Variants in LRRC4C observed in about 807,000 individuals in gnomAD.
LRRC4C encodes leucine-rich repeat-containing protein 4C.
A neutral mutation model predicts 33.6 loss-of-function variants in LRRC4C; 5 were observed. The ratio of observed to expected loss-of-function variants is 0.15; its 90% CI spans 0.08 to 0.31. LRRC4C has a LOEUF of 0.31. LRRC4C is among the 10% of genes least tolerant of loss of function. The pLI is 1.00. For synonymous variants in LRRC4C, 329 were observed against 302.0 expected, an observed-to-expected ratio of 1.09 and a Z score of -0.93; for missense variants, 560 against 796.7, an observed-to-expected ratio of 0.70 and a Z score of 3.58.
At chr11:41,321,361 C>G (rs1950954439) in intron 1 of LRRC4C, among the ~76,000 whole-genome samples, 1 of 152,058 alleles carries the variant, frequency 6.6e-6, no homozygotes, top group Non-Finnish European at 1.5e-5. Flanking sequence ...CACAACTTTA[C>G]ACAATTCTAA....
intron 1 of LRRC4C, among the ~76,000 whole-genome samples, chr11:41,217,031 T>G (rs1001218393): frequency 6.6e-6 from 1 of 152,170 alleles, no homozygotes; most frequent in Admixed American, 6.5e-5. Context: ...TTCCAGATTT[T>G]TATCTCTTCA....
intron 2 of LRRC4C, among the ~76,000 whole-genome samples, chr11:40,782,469 T>C (rs1950250055): frequency 6.6e-6 from 1 of 151,704 alleles, no homozygotes; most frequent in Admixed American, 6.6e-5. Context: ...CTAGGAACTA[T>C]AGCATCTTTA....
At chr11:40,730,493 T>A (rs2136776655) in intron 2 of LRRC4C, among the ~76,000 whole-genome samples, 1 of 152,292 alleles carries the variant, frequency 6.6e-6, no homozygotes, top group South Asian at 2.1e-4. Flanking sequence ...GGAAGACCTA[T>A]AAACCAGCTT....
chr11:41,407,301 CTTTTTT>C (rs552180859), intron 1 of LRRC4C, among the ~76,000 whole-genome samples: 2 of 133,314 alleles, frequency 1.5e-5, no homozygotes, highest in African/African-American at 2.7e-5. Context: ...TGAATTTTTC[CTTTTTT>C]TTTTTTTTTT....
At chr11:40,883,345 C>T (rs940663911) in intron 2 of LRRC4C, among the ~76,000 whole-genome samples, 1 of 151,920 alleles carries the variant, frequency 6.6e-6, no homozygotes, top group Non-Finnish European at 1.5e-5. Context: ...GAAAACATGG[C>T]TTCAGTGACT....
chr11:40,499,684 G>A (rs1437784190), intron 3 of LRRC4C, among the ~76,000 whole-genome samples: 1 of 152,064 alleles, frequency 6.6e-6, no homozygotes, highest in Non-Finnish European at 1.5e-5. Context: ...CTCTAAATTG[G>A]GTAACTCTTG....
At chr11:40,340,519 AATATGT>A (rs1946819795) in intron 3 of LRRC4C, among the ~76,000 whole-genome samples, 1 of 152,184 alleles carries the variant, frequency 6.6e-6, no homozygotes, top group Admixed American at 6.5e-5. Context: ...ATATAATATT[AATATGT>A]ATAAGTATAA....
At chr11:40,602,725 A>T (rs985534093) in intron 3 of LRRC4C, among the ~76,000 whole-genome samples, 3 of 152,230 alleles carry the variant, frequency 2.0e-5, no homozygotes, top group African/African-American at 7.2e-5. Context: ...TAACAATTAC[A>T]GTTTATTGCA....
At chr11:41,050,449 C>A (rs1565336270) in intron 1 of LRRC4C, among the ~76,000 whole-genome samples, 1 of 152,088 alleles carries the variant, frequency 6.6e-6, no homozygotes, top group African/African-American at 2.4e-5. Context: ...CCCCTTGCCC[C>A]CTACCCCAAC....
chr11:40,410,447 C>T (rs999787820), intron 3 of LRRC4C, among the ~76,000 whole-genome samples: 1 of 152,046 alleles, frequency 6.6e-6, no homozygotes, highest in Non-Finnish European at 1.5e-5. Flanking sequence ...GCTCAAAGAC[C>T]ACCTGTAGCT....
chr11:41,459,481 C>T lies in LRRC4C; in HGVS notation c.-546G>A, dbSNP rs930251871. The T allele has an allele frequency of 6.6e-6, 1 of 152,096 alleles. No homozygotes were observed. The highest frequency in any genetic ancestry group is 2.4e-5 in the African/African-American group (1 of 41,398). The allele number at this position is 152,096 out of a possible 1,614,324, so 9.4% of individuals were successfully genotyped here. A position where few individuals can be genotyped will look rare whatever the true frequency, so the allele number is the denominator to read the frequency against. On this transcript the variant is annotated 5_prime_UTR_variant, in exon 1 of 7. Transcript: ENST00000528697. ...CCAAGGAAAATTTACAATCCTCTAG[C>T]TTGCCGTGCACTACTCTATTTTCTT...
At chr11:40,259,379 G>A (rs1867494366) in intron 4 of LRRC4C, among the ~76,000 whole-genome samples, 1 of 151,876 alleles carries the variant, frequency 6.6e-6, no homozygotes, top group African/African-American at 2.4e-5. Context: ...CACTCTGATG[G>A]TAGTTTCTTT....
intron 3 of LRRC4C, among the ~76,000 whole-genome samples, chr11:40,406,703 AT>A (rs953086817): frequency 3.3e-5 from 5 of 151,962 alleles, no homozygotes; most frequent in African/African-American, 7.2e-5. Context: ...CAATACAACA[AT>A]TTTTTTTCTA....
rs181842543 is a variant in LRRC4C at position 41,316,901 on chromosome 11, G to T, written c.-496+142530C>A. ...CACAAGGCTGGTTCCAAGAGAACTG[G>T]CAAGAAACTGTGCTGGATATGCAGA... On this transcript the variant is annotated intron_variant, in intron 1 of 6. Transcript: ENST00000528697. Among the ~76,000 whole-genome samples, 8 of 152,250 alleles carry T rather than the reference G, an allele frequency of 5.3e-5. No individual in the cohort carries two copies. In the East Asian group the frequency reaches 1.5e-3, roughly 29 times the overall value.
At chr11:41,366,565 G>T (rs1458967165) in intron 1 of LRRC4C, among the ~76,000 whole-genome samples, 19 of 152,098 alleles carry the variant, frequency 1.2e-4, no homozygotes, top group African/African-American at 4.3e-4. Context: ...AAGTTAAATA[G>T]AGATATTATA....
At chr11:41,191,729 A>G (rs1180822333) in intron 1 of LRRC4C, among the ~76,000 whole-genome samples, 2 of 152,124 alleles carry the variant, frequency 1.3e-5, no homozygotes, top group Non-Finnish European at 2.9e-5. Context: ...CTCCCACCCA[A>G]CTTCTCATCA....
intron 1 of LRRC4C, among the ~76,000 whole-genome samples, chr11:41,109,261 G>C (rs1002976782): frequency 6.6e-6 from 1 of 152,042 alleles, no homozygotes; most frequent in African/African-American, 2.4e-5. Flanking sequence ...GAGATTCAGA[G>C]TGGAAAATAA....
chr11:40,535,734 C>A (rs1030719051), intron 3 of LRRC4C, among the ~76,000 whole-genome samples: 1 of 152,042 alleles, frequency 6.6e-6, no homozygotes, highest in Non-Finnish European at 1.5e-5. Flanking sequence ...CTCATTAGAC[C>A]AGACATGTGA....
intron 1 of LRRC4C, among the ~76,000 whole-genome samples, chr11:41,310,185 G>A (rs917333041): frequency 2.0e-5 from 3 of 152,156 alleles, no homozygotes; most frequent in African/African-American, 4.8e-5. Context: ...GACTAAAAGA[G>A]GTTTTTTGTT....
Sources: allele counts gnomAD v4.1 joint callset (sites outside exome capture counted in the v4.1 genomes callset), GRCh38; gene constraint gnomAD v4.1.1; transcripts MANE v1.5; gene names NCBI Gene and HGNC (gene_info 2026-07-23, HGNC 2026-07-21).